KCMF1: variants seen among roughly 807,000 people sequenced by gnomAD.
KCMF1 encodes the protein potassium channel modulatory factor 1.
In KCMF1, 3 loss-of-function variants were observed where a neutral mutation model predicts 41.1. That is an observed-to-expected ratio of 0.07 (90% CI 0.03 to 0.19). The LOEUF (loss-of-function observed/expected upper bound fraction) is 0.19. Ranked by LOEUF, KCMF1 falls within the 10% of genes least tolerant of loss-of-function variation. The pLI is 1.00. For synonymous variants in KCMF1, 142 were observed against 164.5 expected (o/e 0.86, Z 1.04); for missense variants, 286 against 488.9 (o/e 0.58, Z 3.91).
chr2:85,052,883 G>C (rs1229231899), intron 6 of KCMF1, among the ~76,000 whole-genome samples: 1 of 152,084 alleles, frequency 6.6e-6, no homozygotes, highest in Non-Finnish European at 1.5e-5. Context: ...GCTTTCTCTG[G>C]AGTGGAAAAA....
At chr2:85,024,547 GGAGAGTGAGAGAGAGAGAGAGA>G (rs1245022052) in intron 1 of KCMF1, among the ~76,000 whole-genome samples, 1 of 140,392 alleles carries the variant, frequency 7.1e-6, no homozygotes, top group Non-Finnish European at 1.5e-5. Context: ...TTTTTGATTT[GGAGAGTGAGAGAGAGAGAGAGA>G]GAGAGAGAGA....
intron 1 of KCMF1, among the ~76,000 whole-genome samples, chr2:84,997,352 A>G (rs1487702359): frequency 2.0e-5 from 3 of 151,984 alleles, no homozygotes; most frequent in South Asian, 2.1e-4. Flanking sequence ...ACTCATTTTT[A>G]TTATAGACAT....
intron 2 of KCMF1, among the ~76,000 whole-genome samples, 189 bp from the exon 3 acceptor site, chr2:85,034,827 C>A (rs1675367927): frequency 6.6e-6 from 1 of 152,064 alleles, no homozygotes. Flanking sequence ...TTACCATGTT[C>A]ACCAGGCTGG....
rs1249899307 is a variant in KCMF1, at chr2:84,971,475, G to C, written c.16+8G>C. ...GGATGTCCCGACATGAAGGTGAGAGGAGCCCCCGCCCCCACCCGCACCTCC... is the reference window on the plus strand; with the variant it reads ...GGATGTCCCGACATGAAGGTGAGAGCAGCCCCCGCCCCCACCCGCACCTCC... On this transcript the variant is annotated splice_region_variant and intron_variant, in intron 1 of 6. Coordinates refer to ENST00000409785, the MANE Select transcript of KCMF1 (RefSeq NM_020122.5). The C allele has an allele frequency of 7.8e-7, 1 of 1,276,792 alleles. No individual in the cohort carries two copies. Among genetic ancestry groups the C allele is most frequent in the Non-Finnish European group, 1.0e-6 (1 of 988,706 alleles). The allele number at this position is 1,276,792 out of a possible 1,614,324, so 79.1% of individuals were successfully genotyped here.
chr2:85,030,957 C>T (rs953944351), intron 2 of KCMF1, among the ~76,000 whole-genome samples: 5 of 152,184 alleles, frequency 3.3e-5, no homozygotes, highest in Non-Finnish European at 5.9e-5. Flanking sequence ...CTCAGCCTCC[C>T]AAAGTGCTGA....
intron 1 of KCMF1, among the ~76,000 whole-genome samples, chr2:84,977,985 T>TTAAGA (rs1255469009): frequency 6.6e-6 from 1 of 152,028 alleles, no homozygotes; most frequent in East Asian, 1.9e-4. Context: ...GTCTGAGATT[T>TTAAGA]TAAGATGTTT....
chr2:85,000,912 A>T (rs1674310679), intron 1 of KCMF1, among the ~76,000 whole-genome samples: 1 of 150,130 alleles, frequency 6.7e-6, no homozygotes, highest in South Asian at 2.1e-4. Context: ...CTGAGTAGGT[A>T]GGGCTACAGA....
chr2:84,989,390 G>A (rs1018104662), intron 1 of KCMF1, among the ~76,000 whole-genome samples: 7 of 152,188 alleles, frequency 4.6e-5, no homozygotes, highest in Non-Finnish European at 7.3e-5. Flanking sequence ...TAGCATTGCT[G>A]AGGCAGAAAG....
At position 84,982,389 on chromosome 2, in the gene KCMF1, CTTTTTTTTTTTTTTT is replaced by C. The variant is rs34687477; in HGVS notation, c.16+10941_16+10955del. Reference sequence around the variant, plus strand: ...GAGTTACAGATGTGTTCCTTATTTTCTTTTTTTTTTTTTTTTTTTTTTTTTTTTTTTTTGAGCCAG... The same window carrying C: ...GAGTTACAGATGTGTTCCTTATTTTCTTTTTTTTTTTTTTTTTTGAGCCAG... On this transcript the variant is annotated intron_variant, in intron 1 of 6. Transcript: ENST00000409785. 1.5e-3 allele frequency among the ~76,000 whole-genome samples: 72 copies of C among 47,268 alleles called. 2 individuals carry two copies. The highest frequency in any genetic ancestry group is 5.2e-3 in the Admixed American group (14 of 2,716). The allele number at this position is 47,268 out of a possible 152,430, so 31.0% of individuals were successfully genotyped here. A position where few individuals can be genotyped will look rare whatever the true frequency, so the allele number is the denominator to read the frequency against.
At chr2:85,003,338 C>T (rs995236813) in intron 1 of KCMF1, among the ~76,000 whole-genome samples, 5 of 151,982 alleles carry the variant, frequency 3.3e-5, no homozygotes, top group East Asian at 1.9e-4. Context: ...ATTAGCCAGG[C>T]GTGGTGGCGG....
intron 1 of KCMF1, among the ~76,000 whole-genome samples, chr2:85,019,902 A>G (rs1419137900): frequency 1.3e-5 from 2 of 152,008 alleles, no homozygotes; most frequent in African/African-American, 4.8e-5. Context: ...TTGAGAAGCT[A>G]AAATATATAT....
intron 1 of KCMF1, among the ~76,000 whole-genome samples, chr2:84,979,873 A>G (rs1251041480): frequency 6.6e-6 from 1 of 151,772 alleles, no homozygotes; most frequent in South Asian, 2.1e-4. Flanking sequence ...CCCAGGCTGG[A>G]GTGCAGTGGC....
chr2:84,981,259 G>A (rs1673740014), intron 1 of KCMF1, among the ~76,000 whole-genome samples: 2 of 150,152 alleles, frequency 1.3e-5, no homozygotes, highest in Admixed American at 1.3e-4. Flanking sequence ...GTGCAATCTC[G>A]GCTCACTGCA....
At chr2:85,008,265 TATATA>T (rs1476117533) in intron 1 of KCMF1, among the ~76,000 whole-genome samples, 2 of 108,982 alleles carry the variant, frequency 1.8e-5, no homozygotes, top group African/African-American at 7.2e-5. Context: ...TTATATATCA[TATATA>T]ATATATAATA....
intron 1 of KCMF1, among the ~76,000 whole-genome samples, chr2:84,975,665 C>T (rs1307519167): frequency 6.6e-6 from 1 of 152,126 alleles, no homozygotes; most frequent in Non-Finnish European, 1.5e-5. Context: ...TTGTGTTCAC[C>T]CTGCCAACAC....
intron 1 of KCMF1, among the ~76,000 whole-genome samples, chr2:85,001,584 T>C (rs1468389129): frequency 6.6e-6 from 1 of 152,210 alleles, no homozygotes; most frequent in African/African-American, 2.4e-5. Context: ...CATTGCAAAA[T>C]GCCTAGCATC....
At chr2:84,980,412 G>A (rs1485697550) in intron 1 of KCMF1, among the ~76,000 whole-genome samples, 5 of 152,138 alleles carry the variant, frequency 3.3e-5, no homozygotes, top group African/African-American at 4.8e-5. Context: ...TGAGAGCTGG[G>A]TACCAGGAAG....
rs1348474201 is a variant in KCMF1 at position 85,054,292 on chromosome 2, AT to A, written c.*884del. 3.3e-5 allele frequency: 5 copies of A among 152,154 alleles called. No homozygotes were observed. The highest frequency in any genetic ancestry group is 5.9e-5 in the Non-Finnish European group (4 of 68,026). The allele number at this position is 152,154 out of a possible 1,614,324, so 9.4% of individuals were successfully genotyped here. ...CTGTTCAACAGAGTTAACCTGAATT[AT>A]GTTGTCTTTGTTTTTAAAAATCTCA... On this transcript the variant is annotated 3_prime_UTR_variant, in exon 7 of 7. Coordinates refer to ENST00000409785, the MANE Select transcript of KCMF1 (RefSeq NM_020122.5).
rs1187834435 is a variant in KCMF1 at position 85,056,892 on chromosome 2, AAC to A, written c.*3486_*3487del. The A allele has an allele frequency of 6.6e-6, 1 of 152,230 alleles. No homozygotes were observed. Among genetic ancestry groups the A allele is most frequent in the Non-Finnish European group, 1.5e-5 (1 of 68,052 alleles). The allele number at this position is 152,230 out of a possible 1,614,324, so 9.4% of individuals were successfully genotyped here. On this transcript the variant is annotated 3_prime_UTR_variant, in exon 7 of 7. Coordinates refer to ENST00000409785, the MANE Select transcript of KCMF1 (RefSeq NM_020122.5). ...TGGTTTCATGTGCAGTAAAAATTAAAACACGGCTGAGCGTGGTGGCTCACGCC... is the reference window on the plus strand; with the variant it reads ...TGGTTTCATGTGCAGTAAAAATTAAAACGGCTGAGCGTGGTGGCTCACGCC...
Sources: gnomAD v4.1 joint callset for allele counts (sites outside exome capture counted in the v4.1 genomes callset) on GRCh38, gnomAD v4.1.1 for gene constraint, MANE v1.5 for transcripts, NCBI Gene and HGNC (gene_info 2026-07-23, HGNC 2026-07-21) for gene names.